VRK1: variants seen among roughly 807,000 people sequenced by gnomAD.
The protein encoded by VRK1 is serine/threonine-protein kinase VRK1.
A neutral mutation model predicts 57.1 loss-of-function variants in VRK1; 33 were observed. The ratio of observed to expected loss-of-function variants is 0.58; its 90% CI spans 0.44 to 0.77. The LOEUF (loss-of-function observed/expected upper bound fraction) is 0.77, where lower values mean the gene tolerates loss of function less well. VRK1 is among the 30% of genes least tolerant of loss of function. VRK1 has a pLI of 0.00. For missense variants in VRK1, 413 were observed against 477.3 expected (o/e 0.87, Z 1.25); for synonymous variants, 137 against 147.8 (o/e 0.93, Z 0.53).
intron 1 of VRK1, among the ~76,000 whole-genome samples, chr14:96,812,529 T>C (rs1886245275): frequency 6.6e-6 from 1 of 152,242 alleles, no homozygotes; most frequent in African/African-American, 2.4e-5. Context: ...GTTTGCTTGT[T>C]GGCCATTTGT....
rs537379762 is a variant in VRK1, at chr14:96,808,369, C to T, written c.-6+10922C>T. Among the ~76,000 whole-genome samples, 57 of 152,246 alleles carry T rather than the reference C, an allele frequency of 3.7e-4. No individual in the cohort carries two copies. The Middle Eastern group carries it at 0.024, about 64-fold the overall frequency. On this transcript the variant is annotated intron_variant, in intron 1 of 12. Transcript: ENST00000216639. ...CCTTTATTTCTCCCTCATACCCTTG[C>T]CTCTTTGGGTTACCAAGCTCCATTG...
At chr14:96,821,818 C>G (rs1203588901) in intron 1 of VRK1, among the ~76,000 whole-genome samples, 4 of 152,188 alleles carry the variant, frequency 2.6e-5, no homozygotes, top group Non-Finnish European at 5.9e-5. Context: ...AGCCATTGCT[C>G]TCCCCTGGCT....
At chr14:96,844,181 C>T (rs957333822) in intron 3 of VRK1, among the ~76,000 whole-genome samples, 1 of 152,152 alleles carries the variant, frequency 6.6e-6, no homozygotes, top group Non-Finnish European at 1.5e-5. Context: ...TATTCTTAGC[C>T]ATTGGCTGGA....
chr14:96,809,107 C>T (rs1886049596), intron 1 of VRK1, among the ~76,000 whole-genome samples: 1 of 152,180 alleles, frequency 6.6e-6, no homozygotes, highest in Non-Finnish European at 1.5e-5. Context: ...CTGGGATCAT[C>T]TGATACTATT....
At chr14:96,856,081 C>A in intron 8 of VRK1, 49 bp from the exon 9 acceptor site, 7 of 1,596,640 alleles carry the variant, frequency 4.4e-6, no homozygotes, top group Non-Finnish European at 6.0e-6. Context: ...TTAAATTATA[C>A]ATTAAAAATT....
chr14:96,852,706 T>C (rs1887998317), intron 5 of VRK1, 125 bp from the exon 6 acceptor site: 7 of 750,510 alleles, frequency 9.3e-6, no homozygotes, highest in East Asian at 2.7e-5. Flanking sequence ...AATGTTTGTA[T>C]TTCTTTTTTA....
Position 96,852,915 on chromosome 14 carries a change from T to C in VRK1, c.459T>C (p.Thr153=), listed in dbSNP as rs145911601. 1.2e-6 allele frequency: 2 copies of C among 1,613,872 alleles called. No homozygotes were observed. The highest frequency in any genetic ancestry group is 4.5e-5 in the East Asian group (2 of 44,840). The part of the protein sequence containing the change: ...EANAKRFSRK[T]VLQLSLRILD... ...ATGCCAAAAGGTTTTCTCGGAAAAC[T>C]GTCTTGCAGCTAAGCTTAAGAATTG... is the stretch of plus-strand genomic sequence containing the variant. The change falls in exon 6 of 13, where the codon ACT becomes ACC. Residue 153 remains threonine (T), a synonymous_variant. Transcript: ENST00000216639.
Position 96,881,284 on chromosome 14 carries a change from T to C in VRK1, c.*76T>C. 7.3e-7 allele frequency: 1 copy of C among 1,372,318 alleles called. No homozygotes were observed. The highest frequency in any genetic ancestry group is 1.0e-6 in the Non-Finnish European group (1 of 987,746). The allele number at this position is 1,372,318 out of a possible 1,614,324, so 85.0% of individuals were successfully genotyped here. A position where few individuals can be genotyped will look rare whatever the true frequency, so the allele number is the denominator to read the frequency against. ...TTCTCCTTTTCTATTTGAACTGTTT[T>C]ATTTTCCTGTGAGTCTTGCGAGGTG... On this transcript the variant is annotated 3_prime_UTR_variant, in exon 13 of 13. Transcript: ENST00000216639.
At chr14:96,828,236 C>T (rs1440279828) in intron 1 of VRK1, among the ~76,000 whole-genome samples, 1 of 152,142 alleles carries the variant, frequency 6.6e-6, no homozygotes, top group East Asian at 1.9e-4. Flanking sequence ...TTTGGGTGGA[C>T]ATGTACATGC....
chr14:96,845,904 A>G (rs1055504530), intron 3 of VRK1, among the ~76,000 whole-genome samples, 191 bp from the exon 4 acceptor site: 1 of 152,218 alleles, frequency 6.6e-6, no homozygotes, highest in Non-Finnish European at 1.5e-5. Flanking sequence ...CTTGAGCAAT[A>G]TAAGAAATAT....
intron 1 of VRK1, among the ~76,000 whole-genome samples, chr14:96,804,949 T>C (rs1241539591): frequency 6.6e-6 from 1 of 152,222 alleles, no homozygotes; most frequent in Non-Finnish European, 1.5e-5. Context: ...GTTATTAAGT[T>C]GTACATTTGG....
At chr14:96,805,686 T>C (rs1488503887) in intron 1 of VRK1, among the ~76,000 whole-genome samples, 1 of 152,186 alleles carries the variant, frequency 6.6e-6, no homozygotes, top group Non-Finnish European at 1.5e-5. Context: ...CTGTTCCTAT[T>C]TAGAACATGG....
intron 11 of VRK1, among the ~76,000 whole-genome samples, chr14:96,871,779 AAAC>A (rs1888831987): frequency 6.6e-6 from 1 of 152,172 alleles, no homozygotes; most frequent in Non-Finnish European, 1.5e-5. Context: ...AACTCATTGA[AAAC>A]AATAAATCAC....
intron 11 of VRK1, among the ~76,000 whole-genome samples, chr14:96,872,066 A>G (rs549600098): frequency 6.6e-6 from 1 of 152,160 alleles, no homozygotes; most frequent in Non-Finnish European, 1.5e-5. Context: ...AGGCCTCCCA[A>G]AGTGCTGGGA....
intron 4 of VRK1, 113 bp downstream of exon 4, chr14:96,846,277 T>A: frequency 9.2e-7 from 1 of 1,082,054 alleles, no homozygotes; most frequent in Non-Finnish European, 1.4e-6. Context: ...TTTTTTTGCT[T>A]TATAAATTCC....
chr14:96,876,412 G>A (rs1889033955), intron 12 of VRK1, among the ~76,000 whole-genome samples: 1 of 152,098 alleles, frequency 6.6e-6, no homozygotes, highest in Non-Finnish European at 1.5e-5. Context: ...ATGTGTGCCT[G>A]TAGTCTCAGC....
At chr14:96,852,298 T>C (rs906027503) in intron 5 of VRK1, among the ~76,000 whole-genome samples, 2 of 152,206 alleles carry the variant, frequency 1.3e-5, no homozygotes, top group African/African-American at 4.8e-5. Flanking sequence ...CCCCAAATCT[T>C]GGCCATTGAG....
At chr14:96,834,100 A>G (rs968243277) in intron 2 of VRK1, among the ~76,000 whole-genome samples, 1 of 152,180 alleles carries the variant, frequency 6.6e-6, no homozygotes, top group African/African-American at 2.4e-5. Context: ...ATTAGGCCTG[A>G]TTAAATGTGC....
chr14:96,817,367 G>T (rs556112392), intron 1 of VRK1, among the ~76,000 whole-genome samples: 1 of 151,692 alleles, frequency 6.6e-6, no homozygotes, highest in South Asian at 2.1e-4. Context: ...TTTGTTTATG[G>T]CTTTTTTTTA....
Sources: allele counts gnomAD v4.1 joint callset (sites outside exome capture counted in the v4.1 genomes callset), GRCh38; gene constraint gnomAD v4.1.1; transcripts MANE v1.5; gene names NCBI Gene and HGNC (gene_info 2026-07-23, HGNC 2026-07-21).